Variants in PLCE1 observed in about 807,000 individuals in gnomAD.
PLCE1 encodes the protein phospholipase C epsilon 1.
A neutral mutation model predicts 242.8 loss-of-function variants in PLCE1; 119 were observed. The observed-to-expected ratio is 0.49, with a 90% confidence interval of 0.42 to 0.57. The LOEUF (loss-of-function observed/expected upper bound fraction) is 0.57, where lower values mean the gene tolerates loss of function less well. Ranked by LOEUF, PLCE1 falls within the 20% of genes least tolerant of loss-of-function variation. The pLI, the probability that PLCE1 is intolerant of heterozygous loss-of-function variation, is 0.00. For synonymous variants in PLCE1, 945 were observed against 1,017.4 expected (o/e 0.93, Z 1.35); for missense variants, 2,441 against 2,788.8 (o/e 0.88, Z 2.81).
intron 3 of PLCE1, among the ~76,000 whole-genome samples, chr10:94,141,580 T>C (rs199643342): frequency 0.058 from 252 of 4,350 alleles, 9 homozygotes; most frequent in African/African-American, 0.14. Context: ...TAAGGGAAGG[T>C]GAAGGGAAGG....
chr10:94,270,698 C>A, intron 18 of PLCE1, 96 bp downstream of exon 18: 3 of 831,360 alleles, frequency 3.6e-6, no homozygotes, highest in Non-Finnish European at 6.3e-6. Context: ...GAGACAGAGT[C>A]TCGCTCTCTC....
At chr10:94,135,120 G>A (rs2046727839) in intron 3 of PLCE1, among the ~76,000 whole-genome samples, 1 of 152,128 alleles carries the variant, frequency 6.6e-6, no homozygotes, top group Non-Finnish European at 1.5e-5. Flanking sequence ...TAGAAAACCA[G>A]ATGGGTTTCT....
At chr10:94,163,577 T>A (rs1348202858) in intron 3 of PLCE1, among the ~76,000 whole-genome samples, 1 of 152,142 alleles carries the variant, frequency 6.6e-6, no homozygotes, top group Non-Finnish European at 1.5e-5. Context: ...GTTTCCTGAA[T>A]ACAGCACACT....
At chr10:94,250,299 C>G (rs1045639554) in intron 8 of PLCE1, among the ~76,000 whole-genome samples, 1 of 151,832 alleles carries the variant, frequency 6.6e-6, no homozygotes. Flanking sequence ...GCCAGGGGTT[C>G]GAGACCAGCC....
chr10:94,005,785 G>A (rs2061023899), intron 1 of PLCE1, among the ~76,000 whole-genome samples: 1 of 152,210 alleles, frequency 6.6e-6, no homozygotes, highest in Admixed American at 6.5e-5. Flanking sequence ...GATTGAGTCT[G>A]TGGTTTCTTA....
intron 2 of PLCE1, among the ~76,000 whole-genome samples, chr10:94,060,686 AT>A (rs2044027230): frequency 6.6e-6 from 1 of 150,786 alleles, no homozygotes; most frequent in African/African-American, 2.4e-5. Context: ...GGACTTAGAC[AT>A]TATTTAACTT....
At chr10:94,234,374 C>T in intron 6 of PLCE1, 62 bp downstream of exon 6, 1 of 1,532,002 alleles carries the variant, frequency 6.5e-7, no homozygotes, top group Non-Finnish European at 9.0e-7. Context: ...CTCATCAGGC[C>T]CTGTCTGTGC....
chr10:94,286,199 T>C (rs1419678449), intron 22 of PLCE1, among the ~76,000 whole-genome samples: 1 of 152,220 alleles, frequency 6.6e-6, no homozygotes, highest in African/African-American at 2.4e-5. Flanking sequence ...ACAGGATTTA[T>C]AGACTTGGCC....
intron 4 of PLCE1, among the ~76,000 whole-genome samples, chr10:94,216,534 G>A (rs1303567120): frequency 1.3e-5 from 2 of 152,170 alleles, no homozygotes; most frequent in Non-Finnish European, 2.9e-5. Flanking sequence ...AGAGGTGGCA[G>A]CAGCTTGGGG....
At chr10:94,150,125 T>C (rs1364638461) in intron 3 of PLCE1, among the ~76,000 whole-genome samples, 3 of 152,222 alleles carry the variant, frequency 2.0e-5, no homozygotes, top group Non-Finnish European at 4.4e-5. Flanking sequence ...CCGATGTATA[T>C]GACAACCTCC....
At chr10:94,103,775 C>G (rs574814561) in intron 2 of PLCE1, among the ~76,000 whole-genome samples, 1 of 152,336 alleles carries the variant, frequency 6.6e-6, no homozygotes, top group African/African-American at 2.4e-5. Flanking sequence ...CATGCACACA[C>G]AGTGCAACTC....
At chr10:94,118,678 C>T (rs2046212385) in intron 2 of PLCE1, among the ~76,000 whole-genome samples, 1 of 152,198 alleles carries the variant, frequency 6.6e-6, no homozygotes, top group Admixed American at 6.5e-5. Context: ...GAGGCCTCCC[C>T]AGTCATGTGG....
intron 4 of PLCE1, among the ~76,000 whole-genome samples, chr10:94,210,737 C>T (rs924981155): frequency 1.3e-5 from 2 of 152,186 alleles, no homozygotes; most frequent in African/African-American, 4.8e-5. Context: ...CCAGAATTTT[C>T]CCTGAAGGGC....
chr10:94,113,560 C>T (rs1488484144), intron 2 of PLCE1, among the ~76,000 whole-genome samples: 2 of 152,182 alleles, frequency 1.3e-5, no homozygotes, highest in Admixed American at 6.5e-5. Context: ...GTATGCCAGG[C>T]ACTATGCTAA....
At position 94,331,970 on chromosome 10, in the gene PLCE1, C is replaced by G. The variant is rs1184434137; in HGVS notation, c.*4027C>G. ...CACCACAACCTCCACCTCCCAGGTTCAAGTGATTCTCCTGCCTCAGCCTCC... is the reference window on the plus strand; with the variant it reads ...CACCACAACCTCCACCTCCCAGGTTGAAGTGATTCTCCTGCCTCAGCCTCC... On this transcript the variant is annotated 3_prime_UTR_variant, in exon 33 of 33. Transcript: ENST00000371380. The G allele has an allele frequency of 6.6e-5, 10 of 150,830 alleles. No homozygotes were observed. The highest frequency in any genetic ancestry group is 2.2e-4 in the African/African-American group (9 of 41,000). 9.3% of individuals were successfully genotyped at this position (150,830 alleles called of 1,614,324 possible). A position where few individuals can be genotyped will look rare whatever the true frequency, so the allele number is the denominator to read the frequency against.
chr10:94,313,323 G>C lies in PLCE1; in HGVS notation c.6073G>C (p.Glu2025Gln), dbSNP rs371057938. ...RVTVHGVPGP[E>Q]PFTVFTINGG... ...CACGGTGCATGGGGTCCCAGGGCCAGAGCCCTTTACCGTTTTCACTATTAA... is the reference window on the plus strand; with the variant it reads ...CACGGTGCATGGGGTCCCAGGGCCACAGCCCTTTACCGTTTTCACTATTAA... The change falls in exon 28 of 33, where the codon GAG (glutamate) becomes CAG (glutamine). Residue 2025 changes from glutamate to glutamine, a missense_variant. Around this residue, in one of 5 missense-constraint regions of PLCE1, gnomAD observed 1,004 missense variants for 1,322.7 expected, o/e 0.76. Transcript: ENST00000371380. 4.3e-6 allele frequency: 7 copies of C among 1,614,034 alleles called. No homozygotes were observed. The African/African-American group carries it at 8.0e-5, about 18-fold the overall frequency.
intron 29 of PLCE1, among the ~76,000 whole-genome samples, chr10:94,319,673 A>G (rs2053707954): frequency 6.6e-6 from 1 of 152,112 alleles, no homozygotes; most frequent in African/African-American, 2.4e-5. Context: ...CTATATACAA[A>G]CTACCCTACT....
At position 94,325,085 on chromosome 10, in the gene PLCE1, G is replaced by C. The variant is rs149932305; in HGVS notation, c.*5G>C. 1,807 of 1,613,690 alleles carry C rather than the reference G, an allele frequency of 1.1e-3. 10 individuals are homozygous for C. The highest frequency in any genetic ancestry group is 7.6e-3 in the Middle Eastern group (46 of 6,058). Reference sequence around the variant, plus strand: ...ACAATGGATTACCGACAGTGACTAAGGGCAGCATGTTTAACCCAGGTATAG... The same window carrying C: ...ACAATGGATTACCGACAGTGACTAACGGCAGCATGTTTAACCCAGGTATAG... On this transcript the variant is annotated 3_prime_UTR_variant, in exon 32 of 33. Coordinates refer to ENST00000371380, the MANE Select transcript of PLCE1 (RefSeq NM_016341.4).
chr10:94,023,875 A>C (rs11187768), intron 1 of PLCE1, among the ~76,000 whole-genome samples: 59,195 of 151,834 alleles, frequency 0.39, 13,951 homozygotes, highest in African/African-American at 0.67. Context: ...AGGGAGTTAA[A>C]GGCACAAAGG....
Sources: gnomAD v4.1 joint callset for allele counts (sites outside exome capture counted in the v4.1 genomes callset) on GRCh38, gnomAD v4.1.1 for gene constraint, gnomAD v4.1.1 regional missense constraint, MANE v1.5 for transcripts, NCBI Gene and HGNC (gene_info 2026-07-23, HGNC 2026-07-21) for gene names.